Variants in PPP2R3B observed in about 807,000 individuals in gnomAD.
The protein encoded by PPP2R3B is protein phosphatase 2 regulatory subunit B''beta.
In PPP2R3B, 68 loss-of-function variants were observed where a neutral mutation model predicts 72.9. The ratio of observed to expected loss-of-function variants is 0.93; its 90% CI spans 0.77 to 1.14. The LOEUF is 1.14. Among genes scored for constraint, PPP2R3B ranks in the 50% most tolerant of loss-of-function variants. The pLI, the probability that PPP2R3B is intolerant of heterozygous loss-of-function variation, is 0.00. For synonymous variants in PPP2R3B, 466 were observed against 375.8 expected (o/e 1.24, Z -2.78); for missense variants, 1,018 against 842.0 (o/e 1.21, Z -2.59).
chrX:345,556 CA>C lies in PPP2R3B; in HGVS notation c.995del (p.Leu332ArgfsTer20). On this transcript the variant is annotated frameshift_variant, in exon 7 of 13. Coordinates refer to ENST00000390665, the MANE Select transcript of PPP2R3B (RefSeq NM_013239.5). LOFTEE classifies it high-confidence loss of function. ...GCGCCAGGTCGTCCGCGTCGATGAG[CA>C]GGTCGTGGTCCGTGTCCAGCTCCCA... ...KFWELDTDHD[L>X]LIDADDLARH... 1 of 1,613,262 alleles carries C rather than the reference CA, an allele frequency of 6.2e-7. No homozygotes were observed. The highest frequency in any genetic ancestry group is 8.5e-7 in the Non-Finnish European group (1 of 1,179,522).
chrX:363,487 A>ACCATCCCACAAT (rs2071596972), intron 1 of PPP2R3B, among the ~76,000 whole-genome samples: 3 of 54,856 alleles, frequency 5.5e-5, no homozygotes, highest in Admixed American at 2.2e-4. Context: ...CCCCGAGCCC[A>ACCATCCCACAAT]GCATCCCACA....
chrX:367,937 C>G (rs2071758445), intron 1 of PPP2R3B, among the ~76,000 whole-genome samples: 1 of 152,228 alleles, frequency 6.6e-6, no homozygotes, highest in Non-Finnish European at 1.5e-5. Context: ...AGGTGATGGA[C>G]AGACCTGGAG....
At chrX:334,792 C>T (rs781009476) in intron 12 of PPP2R3B, 91 of 392,636 alleles carry the variant, frequency 2.3e-4, no homozygotes, top group African/African-American at 1.4e-3. Context: ...CCTGGGCGGG[C>T]GCGCCTCTTC....
rs1002582521 is a variant in PPP2R3B at position 341,226 on chromosome X, G to A, written c.1175+81C>T. ...CGTGCAGCCCCCACCAGGCGTGCAG[G>A]CATCCGCCTGGGGACACATGTCACA... On this transcript the variant is annotated intron_variant, in intron 9 of 12. Transcript: ENST00000390665. The A allele has an allele frequency of 3.4e-5, 51 of 1,491,540 alleles. No homozygotes were observed. The Admixed American group carries it at 7.7e-4, about 23-fold the overall frequency. 92.4% of individuals were successfully genotyped at this position (1,491,540 alleles called of 1,614,324 possible).
intron 2 of PPP2R3B, among the ~76,000 whole-genome samples, chrX:353,390 A>G (rs1347568370): frequency 1.3e-5 from 2 of 151,382 alleles, no homozygotes; most frequent in African/African-American, 4.9e-5. Context: ...AAAAAGAGAA[A>G]AGATGATACA....
intron 1 of PPP2R3B, among the ~76,000 whole-genome samples, chrX:385,952 G>A (rs1194260392): frequency 1.1e-4 from 16 of 152,090 alleles, no homozygotes; most frequent in African/African-American, 2.2e-4. Flanking sequence ...GTGGTGGCAC[G>A]TGCCTGTAAG....
At chrX:340,650 CTGT>C in intron 10 of PPP2R3B, 112 bp downstream of exon 10, 4 of 644,042 alleles carry the variant, frequency 6.2e-6, no homozygotes, top group Non-Finnish European at 9.9e-6. Context: ...TCTCCCTGGG[CTGT>C]CATCCGTCCC....
chrX:364,106 G>A (rs375259849), intron 1 of PPP2R3B, among the ~76,000 whole-genome samples: 6 of 152,222 alleles, frequency 3.9e-5, no homozygotes, highest in East Asian at 1.9e-4. Flanking sequence ...GGGCTCACCC[G>A]AAATCTCTCA....
At chrX:376,714 C>T (rs1346086158) in intron 1 of PPP2R3B, among the ~76,000 whole-genome samples, 2 of 77,254 alleles carry the variant, frequency 2.6e-5, no homozygotes, top group East Asian at 4.1e-4. Flanking sequence ...AGGGACGGGC[C>T]GTCCACACCC....
chrX:356,871 C>T (rs865793949), intron 2 of PPP2R3B, among the ~76,000 whole-genome samples: 2,033 of 118,620 alleles, frequency 0.017, 15 homozygotes, highest in African/African-American at 0.048. Context: ...GCGAGCCCCA[C>T]AGTATCCACA....
intron 2 of PPP2R3B, among the ~76,000 whole-genome samples, chrX:353,096 G>A (rs1219600656): frequency 3.9e-5 from 6 of 151,988 alleles, no homozygotes; most frequent in East Asian, 3.9e-4. Flanking sequence ...GGCAGTGGCC[G>A]GGTGCGGTGG....
chrX:370,885 G>A (rs776483282), intron 1 of PPP2R3B, among the ~76,000 whole-genome samples: 3 of 152,322 alleles, frequency 2.0e-5, no homozygotes, highest in South Asian at 4.1e-4. Flanking sequence ...AGGGGACGGC[G>A]CTTTCAGCCA....
At chrX:364,484 C>G (rs1170642988) in intron 1 of PPP2R3B, among the ~76,000 whole-genome samples, 3 of 111,158 alleles carry the variant, frequency 2.7e-5, no homozygotes, top group African/African-American at 6.8e-5. Flanking sequence ...GCCTGGGCAA[C>G]ATGGCAAAAC....
intron 1 of PPP2R3B, among the ~76,000 whole-genome samples, chrX:384,878 G>T (rs1232497505): frequency 1.3e-5 from 2 of 151,440 alleles, no homozygotes; most frequent in Non-Finnish European, 2.9e-5. Context: ...ACAGCTACTC[G>T]GGAGGCTGAG....
At chrX:377,451 G>A (rs1227119741) in intron 1 of PPP2R3B, among the ~76,000 whole-genome samples, 1 of 61,036 alleles carries the variant, frequency 1.6e-5, no homozygotes, top group Non-Finnish European at 3.5e-5. Flanking sequence ...GGGCCACCAT[G>A]GGGCTGTCTA....
intron 1 of PPP2R3B, among the ~76,000 whole-genome samples, chrX:363,553 G>A (rs73178048): frequency 0.35 from 3,135 of 9,058 alleles, 289 homozygotes; most frequent in African/African-American, 0.41. Flanking sequence ...CCGCGATCCC[G>A]CAGTGCATCT....
chrX:336,355 T>A (rs1273491462), intron 12 of PPP2R3B: 1 of 152,240 alleles, frequency 6.6e-6, no homozygotes, highest in East Asian at 1.9e-4. Context: ...CGGCCCCCAC[T>A]GCGAGAAAGC....
At chrX:381,886 C>T (rs970459352) in intron 1 of PPP2R3B, among the ~76,000 whole-genome samples, 5 of 152,138 alleles carry the variant, frequency 3.3e-5, no homozygotes, top group African/African-American at 1.2e-4. Context: ...GCATGAGCCA[C>T]CGTGCCCAGC....
At chrX:355,362 G>A (rs1421504850) in intron 2 of PPP2R3B, among the ~76,000 whole-genome samples, 1 of 152,194 alleles carries the variant, frequency 6.6e-6, no homozygotes, top group Non-Finnish European at 1.5e-5. Flanking sequence ...TGAAATAAGG[G>A]AGAGCTGGAC....
Sources: allele counts gnomAD v4.1 joint callset (sites outside exome capture counted in the v4.1 genomes callset), GRCh38; gene constraint gnomAD v4.1.1; transcripts MANE v1.5; gene names NCBI Gene and HGNC (gene_info 2026-07-23, HGNC 2026-07-21).